ITM2B: variants seen among roughly 807,000 people sequenced by gnomAD.
ITM2B encodes integral membrane protein 2B, also known as ABri/ADan amyloid peptide.
Under a neutral mutation model 27.8 loss-of-function variants are expected in ITM2B, and 11 were observed. The observed-to-expected ratio is 0.40, with a 90% confidence interval of 0.25 to 0.66. The LOEUF (loss-of-function observed/expected upper bound fraction) is 0.66, where lower values mean the gene tolerates loss of function less well. Among genes scored for constraint, ITM2B ranks in the 30% least tolerant of loss-of-function variants. The probability of loss-of-function intolerance (pLI) is 0.43; values close to 1 mark genes in which losing one functional copy is unlikely to be tolerated. For missense variants in ITM2B, 296 were observed against 328.9 expected (o/e 0.90, Z 0.77); for synonymous variants, 114 against 114.3 (o/e 1.00, Z 0.02).
rs578013887 is a variant in ITM2B at position 48,269,691 on chromosome 13, C to T, written c.*8467C>T. 18 of 152,426 alleles carry T rather than the reference C, an allele frequency of 1.2e-4. No individual in the cohort carries two copies. Among genetic ancestry groups the T allele is most frequent in the African/African-American group, 4.3e-4 (18 of 41,574 alleles). 9.4% of individuals were successfully genotyped at this position (152,426 alleles called of 1,614,324 possible). On this transcript the variant is annotated 3_prime_UTR_variant, in exon 6 of 6. Coordinates refer to ENST00000647800, the MANE Select transcript of ITM2B (RefSeq NM_021999.5). Reference sequence around the variant, plus strand: ...TCCTTCCCTCACATGTATCCCAAGGCTCACTGCCTTCCTTCAGTTAAGTCT... The same window carrying T: ...TCCTTCCCTCACATGTATCCCAAGGTTCACTGCCTTCCTTCAGTTAAGTCT...
rs1033416179 is a variant in ITM2B at position 48,235,210 on chromosome 13, C to A, written c.117+1733C>A. On this transcript the variant is annotated intron_variant, in intron 1 of 5. Coordinates refer to ENST00000647800, the MANE Select transcript of ITM2B (RefSeq NM_021999.5). The stretch of plus-strand genomic sequence containing the variant: ...GAGCACCATTAAATCTGACTTCTGA[C>A]AATTTTTGTCATTTCTGAAATAGTG... 2.6e-5 allele frequency among the ~76,000 whole-genome samples: 4 copies of A among 152,210 alleles called. No individual in the cohort carries two copies. In the East Asian group the frequency reaches 5.8e-4, roughly 22 times the overall value.
intron 1 of ITM2B, among the ~76,000 whole-genome samples, chr13:48,235,096 C>T (rs545804859): frequency 9.9e-5 from 15 of 152,238 alleles, no homozygotes; most frequent in African/African-American, 3.6e-4. Flanking sequence ...AGTGAGCGAG[C>T]ATTGGATGAT....
chr13:48,235,264 G>A (rs559889410), intron 1 of ITM2B, among the ~76,000 whole-genome samples: 5 of 152,152 alleles, frequency 3.3e-5, no homozygotes, highest in African/African-American at 9.7e-5. Context: ...AATTGCTCAC[G>A]AGTTCACCAT....
intron 1 of ITM2B, among the ~76,000 whole-genome samples, chr13:48,235,163 A>G (rs922342144): frequency 1.1e-4 from 16 of 152,230 alleles, no homozygotes; most frequent in African/African-American, 3.6e-4. Flanking sequence ...AACTCTGGAC[A>G]AACATCAGAA....
intron 1 of ITM2B, among the ~76,000 whole-genome samples, chr13:48,253,494 AT>A (rs2137990850): frequency 6.6e-6 from 1 of 152,318 alleles, no homozygotes; most frequent in East Asian, 1.9e-4. Flanking sequence ...ATTATAGAAT[AT>A]ATCACCAAAA....
Position 48,266,416 on chromosome 13 carries a change from A to G in ITM2B, c.*5192A>G, listed in dbSNP as rs1042359355. On this transcript the variant is annotated 3_prime_UTR_variant, in exon 6 of 6. Coordinates refer to ENST00000647800, the MANE Select transcript of ITM2B (RefSeq NM_021999.5). ...CTCAGAGATGCCACCATAGCTCTCT[A>G]TTTCTCATACCTTTCATGATACTTC... 2 of 152,096 alleles carry G rather than the reference A, an allele frequency of 1.3e-5. No individual in the cohort carries two copies. Among genetic ancestry groups the G allele is most frequent in the East Asian group, 1.9e-4 (1 of 5,196 alleles). 9.4% of individuals were successfully genotyped at this position (152,096 alleles called of 1,614,324 possible). A position where few individuals can be genotyped will look rare whatever the true frequency, so the allele number is the denominator to read the frequency against.
At chr13:48,256,803 C>A (rs1157351049) in intron 3 of ITM2B, among the ~76,000 whole-genome samples, 2 of 152,052 alleles carry the variant, frequency 1.3e-5, no homozygotes, top group Non-Finnish European at 2.9e-5. Context: ...AGTTGAATAC[C>A]CAAAATCCTC....
Position 48,260,119 on chromosome 13 carries a change from A to G in ITM2B, c.716-1020A>G, listed in dbSNP as rs1469165223. Among the ~76,000 whole-genome samples, 3 of 151,930 alleles carry G rather than the reference A, an allele frequency of 2.0e-5. No homozygotes were observed. The East Asian group carries it at 5.8e-4, about 29-fold the overall frequency. On this transcript the variant is annotated intron_variant, in intron 5 of 5. Coordinates refer to ENST00000647800, the MANE Select transcript of ITM2B (RefSeq NM_021999.5). The stretch of plus-strand genomic sequence containing the variant: ...CAGTGTTTGGTTTTCTGATCTTGTG[A>G]TAGTTTGCTGAGAATGATGGTTTCC...
chr13:48,241,133 C>T (rs548076715), intron 1 of ITM2B, among the ~76,000 whole-genome samples: 143 of 152,348 alleles, frequency 9.4e-4, no homozygotes, highest in African/African-American at 3.3e-3. Context: ...TTCCCTTGGC[C>T]TGGCATCCTT....
At chr13:48,237,430 G>A (rs1395923344) in intron 1 of ITM2B, among the ~76,000 whole-genome samples, 4 of 152,184 alleles carry the variant, frequency 2.6e-5, no homozygotes, top group Non-Finnish European at 5.9e-5. Flanking sequence ...ACAGGACACT[G>A]CTGTAGCATA....
chr13:48,233,619 C>G (rs1472323336), intron 1 of ITM2B, 142 bp downstream of exon 1: 1 of 505,240 alleles, frequency 2.0e-6, no homozygotes, highest in South Asian at 2.8e-5. Flanking sequence ...CCGGCGCTCC[C>G]GTTTCCTGTG....
chr13:48,242,646 C>G (rs1593389704), intron 1 of ITM2B, among the ~76,000 whole-genome samples: 1 of 152,132 alleles, frequency 6.6e-6, no homozygotes, highest in East Asian at 1.9e-4. Context: ...GTGTAAAATT[C>G]TAGGTTAGCA....
At chr13:48,248,781 T>C (rs1951737306) in intron 1 of ITM2B, among the ~76,000 whole-genome samples, 1 of 152,242 alleles carries the variant, frequency 6.6e-6, no homozygotes, top group Non-Finnish European at 1.5e-5. Context: ...TTCAAATCTG[T>C]CCTGGGCCAC....
chr13:48,270,198 T>A lies in ITM2B; in HGVS notation c.*8974T>A, dbSNP rs1951876649. 1 of 152,272 alleles carries A rather than the reference T, an allele frequency of 6.6e-6. No homozygotes were observed. Among genetic ancestry groups the A allele is most frequent in the Non-Finnish European group, 1.5e-5 (1 of 68,060 alleles). The allele number at this position is 152,272 out of a possible 1,614,324, so 9.4% of individuals were successfully genotyped here. On this transcript the variant is annotated 3_prime_UTR_variant, in exon 6 of 6. Transcript: ENST00000647800. ...ATGAGCATTGCTCCTTATCTATGCC[T>A]CTGCTCTTAGACTTTTCCATTCTGC...
At chr13:48,234,298 A>G (rs1019511993) in intron 1 of ITM2B, among the ~76,000 whole-genome samples, 1 of 152,130 alleles carries the variant, frequency 6.6e-6, no homozygotes, top group African/African-American at 2.4e-5. Context: ...TGGGGCTGTT[A>G]CTGTGTTGAC....
intron 1 of ITM2B, among the ~76,000 whole-genome samples, chr13:48,246,811 A>G (rs1167550890): frequency 6.6e-6 from 1 of 152,106 alleles, no homozygotes; most frequent in Non-Finnish European, 1.5e-5. Context: ...ATACTAGAAC[A>G]TTGATGGGAA....
At chr13:48,257,598 G>T (rs1024094564) in intron 3 of ITM2B, among the ~76,000 whole-genome samples, 15 of 152,080 alleles carry the variant, frequency 9.9e-5, no homozygotes, top group Non-Finnish European at 1.3e-4. Flanking sequence ...CACTTACTGA[G>T]CTCTTAGGAA....
At chr13:48,234,677 A>T (rs1951657087) in intron 1 of ITM2B, among the ~76,000 whole-genome samples, 1 of 152,228 alleles carries the variant, frequency 6.6e-6, no homozygotes, top group Non-Finnish European at 1.5e-5. Flanking sequence ...TATCTTCAGA[A>T]TATAATGGTA....
chr13:48,250,178 G>A (rs999779986), intron 1 of ITM2B, among the ~76,000 whole-genome samples: 5 of 152,116 alleles, frequency 3.3e-5, no homozygotes, highest in African/African-American at 1.2e-4. Flanking sequence ...AATAAATGCT[G>A]AACTAGGCTA....
Sources: allele counts gnomAD v4.1 joint callset (sites outside exome capture counted in the v4.1 genomes callset), GRCh38; gene constraint gnomAD v4.1.1; transcripts MANE v1.5; gene names NCBI Gene and HGNC (gene_info 2026-07-23, HGNC 2026-07-21).